Variants in ZNF644 observed in about 807,000 individuals in gnomAD.
ZNF644 encodes the protein zinc finger motif enhancer binding protein 2.
A neutral mutation model predicts 108.0 loss-of-function variants in ZNF644; 20 were observed. The ratio of observed to expected loss-of-function variants is 0.19; its 90% confidence interval spans 0.13 to 0.27. ZNF644 has a LOEUF of 0.27. ZNF644 is among the 10% of genes least tolerant of loss of function. ZNF644 has a pLI of 1.00. For synonymous variants in ZNF644, 542 were observed against 539.1 expected, an observed-to-expected ratio of 1.01 and a Z score of -0.08; for missense variants, 1,338 against 1,548.9, an observed-to-expected ratio of 0.86 and a Z score of 2.29.
At position 91,014,391 on chromosome 1, in the gene ZNF644, T is replaced by C. The variant is rs1660249148; in HGVS notation, c.-18+7599A>G. On this transcript the variant is annotated intron_variant, in intron 1 of 5. Transcript: ENST00000337393. ...AATTAAGTGCCATTTAATTTTAATA[T>C]CCCTTTAAGATTTTTAACAAGGAAG... Among the ~76,000 whole-genome samples the C allele has an allele frequency of 2.0e-5, 3 of 152,184 alleles. No individual in the cohort carries two copies. In the South Asian group the frequency reaches 6.2e-4, roughly 32 times the overall value.
chr1:90,972,726 A>C (rs1317622391), intron 2 of ZNF644: 1 of 152,380 alleles, frequency 6.6e-6, no homozygotes, highest in East Asian at 1.9e-4. Flanking sequence ...GGTGTCCACC[A>C]ATGGACAAAT....
chr1:90,937,650 G>C lies in ZNF644; in HGVS notation c.3523C>G (p.Leu1175Val), dbSNP rs1348091363. ...KNQSLTLIEL[L>V]KNKRMGEERN... ...TCTTCTCCCATCCTTTTATTTTTAA[G>C]AAGTTCTATGAGTGTAAGAGACTGA... The change falls in exon 4 of 6, where the codon CTT (leucine) becomes GTT (valine). Residue 1175 changes from leucine to valine, a missense_variant. Physicochemically the swap from Leu to Val is conservative, Grantham distance 32. Coordinates refer to ENST00000337393, the MANE Select transcript of ZNF644 (RefSeq NM_201269.3). 2.5e-6 allele frequency: 4 copies of C among 1,613,760 alleles called. No homozygotes were observed. The African/African-American group carries it at 4.0e-5, about 16-fold the overall frequency.
chr1:91,013,449 TCTCACA>T (rs57692435), intron 1 of ZNF644, among the ~76,000 whole-genome samples: 12,338 of 96,100 alleles, frequency 0.13, 629 homozygotes, highest in Middle Eastern at 0.2. Context: ...CCAATCTCTC[TCTCACA>T]CACACACACA....
chr1:91,021,595 T>C (rs1338507858), intron 1 of ZNF644: 2 of 157,354 alleles, frequency 1.3e-5, no homozygotes, highest in African/African-American at 4.8e-5. Context: ...CTCAGCCCCT[T>C]TGTGTCCGCT....
At chr1:90,944,212 C>A (rs1652295588) in intron 2 of ZNF644, among the ~76,000 whole-genome samples, 1 of 152,160 alleles carries the variant, frequency 6.6e-6, no homozygotes, top group African/African-American at 2.4e-5. Context: ...AAAGCAACTT[C>A]ATTGGTACCC....
rs371867811 is a variant in ZNF644, at chr1:90,984,528, T to C, written c.-17-2158A>G. On this transcript the variant is annotated intron_variant, in intron 1 of 5. Transcript: ENST00000337393. ...TCAGCCTCCGAAGTAGCTAGGACTA[T>C]AGGCACACACCACCATGCCTGGCTA... 2.0e-4 allele frequency among the ~76,000 whole-genome samples: 30 copies of C among 152,110 alleles called. 1 individual carries two copies. The East Asian group carries it at 5.8e-3, about 29-fold the overall frequency.
chr1:90,992,524 A>G (rs1428903561), intron 1 of ZNF644, among the ~76,000 whole-genome samples: 2 of 152,228 alleles, frequency 1.3e-5, no homozygotes, highest in East Asian at 3.8e-4. Context: ...TGTATGAAAC[A>G]AATATAGCAA....
In ZNF644 at chr1:90,915,828, AGAT is replaced by A. The variant is rs1267511963; in HGVS notation, c.*967_*969del. Reference sequence around the variant, plus strand: ...GTTTTGCTAACTGATCAAATTTGGAAGATAATATAAATGAGAACGTCTATTCTA... The same window carrying A: ...GTTTTGCTAACTGATCAAATTTGGAAAATATAAATGAGAACGTCTATTCTA... On this transcript the variant is annotated 3_prime_UTR_variant, in exon 6 of 6. Coordinates refer to ENST00000337393, the MANE Select transcript of ZNF644 (RefSeq NM_201269.3). The A allele has an allele frequency of 6.6e-6, 1 of 152,604 alleles. No homozygotes were observed. Among genetic ancestry groups the A allele is most frequent in the Non-Finnish European group, 1.5e-5 (1 of 67,992 alleles). The allele number at this position is 152,604 out of a possible 1,614,324, so 9.5% of individuals were successfully genotyped here. A position where few individuals can be genotyped will look rare whatever the true frequency, so the allele number is the denominator to read the frequency against.
intron 4 of ZNF644, among the ~76,000 whole-genome samples, chr1:90,923,106 C>CCT (rs758299034): frequency 1.3e-5 from 2 of 152,108 alleles, no homozygotes; most frequent in Non-Finnish European, 2.9e-5. Flanking sequence ...TCTTTCTGTA[C>CCT]AAAGTGCCTA....
At chr1:90,966,385 G>C (rs1654887661) in intron 2 of ZNF644, among the ~76,000 whole-genome samples, 1 of 152,124 alleles carries the variant, frequency 6.6e-6, no homozygotes, top group African/African-American at 2.4e-5. Context: ...GCTCACTGAT[G>C]TACCCTTGAC....
At chr1:90,970,231 T>C (rs1317989268) in intron 2 of ZNF644, among the ~76,000 whole-genome samples, 1 of 152,194 alleles carries the variant, frequency 6.6e-6, no homozygotes, top group South Asian at 2.1e-4. Context: ...ATTTAAAACA[T>C]ATGGATCTCC....
In ZNF644 at chr1:90,922,210, A is replaced by G. The variant is rs77136608; in HGVS notation, c.3689-4056T>C. Among the ~76,000 whole-genome samples, 256 of 152,288 alleles carry G rather than the reference A, an allele frequency of 1.7e-3. 2 individuals carry two copies. The highest frequency in any genetic ancestry group is 6.1e-3 in the African/African-American group (252 of 41,572). ...TAACATTCGCCACCGAAGTATTTTT[A>G]TTTGTAATCATTCTCACCTGCCCAA... On this transcript the variant is annotated intron_variant, in intron 4 of 5. Transcript: ENST00000337393.
chr1:90,948,517 C>T (rs1315896850), intron 2 of ZNF644, among the ~76,000 whole-genome samples: 1 of 152,170 alleles, frequency 6.6e-6, no homozygotes, highest in Non-Finnish European at 1.5e-5. Context: ...CTGGTGGATA[C>T]CAAAATCTAC....
intron 1 of ZNF644, chr1:91,021,502 C>T (rs1045229579): frequency 1.3e-5 from 2 of 153,168 alleles, no homozygotes; most frequent in Middle Eastern, 3.3e-3. Flanking sequence ...CCCCAAGCCG[C>T]CTGATCTCGG....
At chr1:90,992,098 T>C (rs1319680455) in intron 1 of ZNF644, among the ~76,000 whole-genome samples, 2 of 152,120 alleles carry the variant, frequency 1.3e-5, no homozygotes, top group African/African-American at 4.8e-5. Context: ...AGAATATGCA[T>C]AGCACCTTAT....
intron 4 of ZNF644, chr1:90,935,370 T>G (rs1209101745): frequency 8.1e-6 from 8 of 985,758 alleles, no homozygotes; most frequent in Non-Finnish European, 9.6e-6. Context: ...AAGTGTATTG[T>G]ATCAAACAGA....
intron 1 of ZNF644, among the ~76,000 whole-genome samples, chr1:90,992,260 TAA>T (rs1377315157): frequency 1.3e-5 from 2 of 152,108 alleles, no homozygotes. Flanking sequence ...TTGTTTACTT[TAA>T]GTGTGATTTT....
intron 2 of ZNF644, among the ~76,000 whole-genome samples, chr1:90,944,044 T>C (rs749943172): frequency 3.9e-5 from 6 of 152,220 alleles, no homozygotes; most frequent in Admixed American, 1.3e-4. Context: ...TATATTAGTT[T>C]TTCTCAACAG....
intron 1 of ZNF644, among the ~76,000 whole-genome samples, chr1:91,015,951 C>G (rs996855279): frequency 5.9e-5 from 9 of 152,118 alleles, no homozygotes; most frequent in African/African-American, 1.9e-4. Flanking sequence ...TAATATCAAC[C>G]CTAAACCTCT....
Sources: allele counts gnomAD v4.1 joint callset (sites outside exome capture counted in the v4.1 genomes callset), GRCh38; gene constraint gnomAD v4.1.1; transcripts MANE v1.5; gene names NCBI Gene and HGNC (gene_info 2026-07-23, HGNC 2026-07-21).